Variants in TXNDC11 observed in about 807,000 individuals in gnomAD.
TXNDC11 encodes thioredoxin domain containing 11.
TXNDC11 carries 68 observed loss-of-function variants against 78.0 expected under a neutral mutation model. That is an observed-to-expected ratio of 0.87 (90% CI 0.72 to 1.07). The LOEUF (loss-of-function observed/expected upper bound fraction) is 1.07. TXNDC11 is among the 50% of genes least tolerant of loss of function. TXNDC11 has a pLI of 0.00. For synonymous variants in TXNDC11, 571 were observed against 495.2 expected (o/e 1.15, Z -2.03); for missense variants, 1,389 against 1,221.8 (o/e 1.14, Z -2.04).
intron 1 of TXNDC11, among the ~76,000 whole-genome samples, chr16:11,737,851 C>CAAAA (rs538318388): frequency 3.3e-4 from 18 of 54,092 alleles, no homozygotes; most frequent in South Asian, 6.4e-4. Flanking sequence ...CTACGTCTCT[C>CAAAA]AAAAAAAAAA....
At chr16:11,685,089 C>A (rs1370301011) in intron 10 of TXNDC11, among the ~76,000 whole-genome samples, 3 of 152,230 alleles carry the variant, frequency 2.0e-5, no homozygotes, top group Admixed American at 2.0e-4. Flanking sequence ...CCAGGCTGAG[C>A]ACAGGGGCTC....
intron 11 of TXNDC11, among the ~76,000 whole-genome samples, 187 bp from the exon 12 acceptor site, chr16:11,680,024 T>C (rs948532841): frequency 3.3e-5 from 5 of 152,218 alleles, no homozygotes; most frequent in Non-Finnish European, 7.3e-5. Context: ...GGCTGTCCCA[T>C]ATGCTCGTTC....
chr16:11,692,299 G>A, intron 7 of TXNDC11: 1 of 491,198 alleles, frequency 2.0e-6, no homozygotes, highest in Non-Finnish European at 3.6e-6. Context: ...AAAACTGCGA[G>A]CCATCCCTTT....
Position 11,691,646 on chromosome 16 carries a change from C to T in TXNDC11, c.1544G>A (p.Gly515Asp). The T allele has an allele frequency of 6.2e-7, 1 of 1,614,206 alleles. No homozygotes were observed. Among genetic ancestry groups the T allele is most frequent in the Non-Finnish European group, 8.5e-7 (1 of 1,180,042 alleles). ...YTACCRTISR[G>D]VSGFIDSEQG... ...TTCAGAGTCGATGAAGCCTGACACA[C>T]CCCTGCTTATGGTCCTGCAACATGC... The change falls in exon 8 of 12, where the codon GGT becomes GAT. Residue 515 changes from glycine to aspartate, a missense_variant. Coordinates refer to ENST00000283033, the MANE Select transcript of TXNDC11 (RefSeq NM_015914.7).
intron 3 of TXNDC11, 37 bp from the exon 4 acceptor site, chr16:11,730,811 A>G: frequency 1.4e-6 from 2 of 1,458,358 alleles, no homozygotes; most frequent in Non-Finnish European, 1.8e-6. Context: ...TAAAAATAAT[A>G]AAAATAATAC....
intron 4 of TXNDC11, among the ~76,000 whole-genome samples, chr16:11,723,951 C>G (rs1215609283): frequency 6.6e-6 from 1 of 152,086 alleles, no homozygotes; most frequent in Non-Finnish European, 1.5e-5. Context: ...AATAATAATA[C>G]TGTTAGCATT....
chr16:11,679,240 G>A lies in TXNDC11; in HGVS notation c.2832C>T (p.Ser944=), dbSNP rs373931741. The A allele has an allele frequency of 1.5e-5, 24 of 1,613,362 alleles. No homozygotes were observed. Among genetic ancestry groups the A allele is most frequent in the Middle Eastern group, 1.7e-4 (1 of 6,058 alleles). Residue 944 remains serine, a synonymous_variant, in exon 12 of 12, where the codon AGC becomes AGT. Coordinates refer to ENST00000283033, the MANE Select transcript of TXNDC11 (RefSeq NM_015914.7). This position sits in a 1 kb window ranked among gnomAD's most constrained non-coding sequence, Gnocchi z 4.6. ...TATTCCTTTCAGACACCAGTGTGGC[G>A]CTGACATTGGCAGGTGGAGGGGAGC... The part of the protein sequence containing the change: ...PGSSPPPANV[S]ATLVSERNKE...
intron 5 of TXNDC11, among the ~76,000 whole-genome samples, chr16:11,719,396 G>C (rs140305736): frequency 6.6e-6 from 1 of 152,192 alleles, no homozygotes; most frequent in African/African-American, 2.4e-5. Context: ...AAACTGTGCA[G>C]CTCAAAGTCT....
intron 7 of TXNDC11, among the ~76,000 whole-genome samples, chr16:11,697,276 C>T (rs992307673): frequency 6.6e-6 from 1 of 152,190 alleles, no homozygotes; most frequent in Non-Finnish European, 1.5e-5. Flanking sequence ...CCTGTCCCTC[C>T]AGGCAGGAGG....
At chr16:11,688,065 C>T in intron 9 of TXNDC11, 99 bp from the exon 10 acceptor site, 2 of 1,019,248 alleles carry the variant, frequency 2.0e-6, no homozygotes, top group Non-Finnish European at 1.5e-6. Flanking sequence ...CCGAAAAATG[C>T]TACCTATGCA....
intron 11 of TXNDC11, among the ~76,000 whole-genome samples, chr16:11,681,164 C>G (rs1259780851): frequency 6.6e-6 from 1 of 152,132 alleles, no homozygotes; most frequent in African/African-American, 2.4e-5. Flanking sequence ...AGAGTCAGAC[C>G]TTGTCTCAAA....
At chr16:11,740,190 T>C (rs955650679) in intron 1 of TXNDC11, among the ~76,000 whole-genome samples, 3 of 152,178 alleles carry the variant, frequency 2.0e-5, no homozygotes, top group East Asian at 1.9e-4. Context: ...GCCTATCTCC[T>C]TATTAAAGCA....
chr16:11,684,075 A>C (rs2050502506), intron 11 of TXNDC11, 90 bp downstream of exon 11: 9 of 921,576 alleles, frequency 9.8e-6, no homozygotes, highest in Non-Finnish European at 1.4e-5. Context: ...TTTTGAACAT[A>C]ATGAATGATT....
At chr16:11,695,194 T>C (rs1355515035) in intron 7 of TXNDC11, among the ~76,000 whole-genome samples, 1 of 152,222 alleles carries the variant, frequency 6.6e-6, no homozygotes, top group Admixed American at 6.5e-5. Flanking sequence ...CTCACGCCAG[T>C]GTCAGGATCT....
At position 11,679,300 on chromosome 16, in the gene TXNDC11, C is replaced by T. The variant is rs749258906; in HGVS notation, c.2772G>A (p.Gln924=). 47 of 1,612,590 alleles carry T rather than the reference C, an allele frequency of 2.9e-5. No individual in the cohort carries two copies. In the East Asian group the frequency reaches 1.0e-3, roughly 36 times the overall value. Residue 924 remains glutamine (Q), a synonymous_variant, in exon 12 of 12, where the codon CAG becomes CAA. Transcript: ENST00000283033. The surrounding 1 kb of genome is among the most constrained non-coding windows in gnomAD (Gnocchi z 4.6). The stretch of plus-strand genomic sequence containing the variant: ...GCTGGGGGGTGGCTGAGGGCTCAGG[C>T]TGCTTGGGGTGGACCTCTCTCTGGG... ...LAAQREVHPK[Q]PEPSATPQLP... is the part of the protein sequence containing the mutation.
At chr16:11,693,932 T>C (rs560793468) in intron 7 of TXNDC11, among the ~76,000 whole-genome samples, 4 of 152,310 alleles carry the variant, frequency 2.6e-5, no homozygotes, top group South Asian at 2.1e-4. Context: ...CACGATTTAC[T>C]GTAATCTTTT....
intron 5 of TXNDC11, among the ~76,000 whole-genome samples, chr16:11,720,731 A>G (rs1001931429): frequency 8.8e-5 from 13 of 146,910 alleles, no homozygotes; most frequent in Admixed American, 2.0e-4. Flanking sequence ...TATCATATAT[A>G]TATATATGGT....
Position 11,688,311 on chromosome 16 carries a change from G to C in TXNDC11, c.2035C>G (p.Gln679Glu). Residue 679 changes from glutamine (Q) to glutamate (E), a missense_variant, in exon 9 of 12, where the codon CAA (glutamine) becomes GAA (glutamate). Transcript: ENST00000283033. ...CTCTCATGACTCCATACCTGTTTTT[G>C]AAGGACTACTTCCCAAAAGGTATCA... is the stretch of plus-strand genomic sequence containing the variant. The part of the protein sequence containing the change: ...TTDTFWEVVL[Q>E]KQDVLLLYYA... The C allele has an allele frequency of 6.2e-7, 1 of 1,613,216 alleles. No individual in the cohort carries two copies. The highest frequency in any genetic ancestry group is 1.3e-5 in the African/African-American group (1 of 74,944).
chr16:11,726,170 G>T (rs998909293), intron 4 of TXNDC11, among the ~76,000 whole-genome samples: 1 of 152,020 alleles, frequency 6.6e-6, no homozygotes, highest in Non-Finnish European at 1.5e-5. Context: ...GAAGCACCTC[G>T]CCAGGCCTCT....
Sources: allele counts gnomAD v4.1 joint callset (sites outside exome capture counted in the v4.1 genomes callset), GRCh38; gene constraint gnomAD v4.1.1; non-coding constraint Gnocchi (gnomAD v3.1); transcripts MANE v1.5; gene names NCBI Gene and HGNC (gene_info 2026-07-23, HGNC 2026-07-21).